NIPAL2: variants seen among roughly 807,000 people sequenced by gnomAD.
The protein encoded by NIPAL2 is NIPA like domain containing 2.
Under a neutral mutation model 48.9 loss-of-function variants are expected in NIPAL2, and 43 were observed. The observed-to-expected ratio is 0.88, with a 90% CI of 0.69 to 1.13. NIPAL2 has a LOEUF of 1.13. NIPAL2 is among the 50% of genes most tolerant of loss of function. NIPAL2 has a pLI of 0.00. For missense variants in NIPAL2, 446 were observed against 461.4 expected, an observed-to-expected ratio of 0.97 and a Z score of 0.31; for synonymous variants, 167 against 174.6, an observed-to-expected ratio of 0.96 and a Z score of 0.34.
At chr8:98,209,445 C>CAAAAACAA (rs1811203467) in intron 6 of NIPAL2, among the ~76,000 whole-genome samples, 1 of 70,512 alleles carries the variant, frequency 1.4e-5, no homozygotes, top group African/African-American at 6.2e-5. Context: ...CCTGTCTCTC[C>CAAAAACAA]AAAAAAAAAA....
intron 7 of NIPAL2, among the ~76,000 whole-genome samples, chr8:98,203,705 A>C (rs1430384161): frequency 6.6e-6 from 1 of 152,224 alleles, no homozygotes; most frequent in African/African-American, 2.4e-5. Flanking sequence ...TGCAGTTCCC[A>C]CAACTGTGCT....
chr8:98,283,861 G>A (rs1175603169), intron 1 of NIPAL2, among the ~76,000 whole-genome samples: 2 of 152,230 alleles, frequency 1.3e-5, no homozygotes, highest in African/African-American at 4.8e-5. Context: ...CCTTGATATG[G>A]GGAGGGATTG....
chr8:98,217,154 TG>T (rs1404842612), intron 5 of NIPAL2: 1 of 985,388 alleles, frequency 1.0e-6, no homozygotes, highest in Non-Finnish European at 1.2e-6. Flanking sequence ...TATTCTTCTC[TG>T]GCTGGTATAC....
intron 3 of NIPAL2, chr8:98,252,208 C>T (rs965581078): frequency 4.6e-5 from 18 of 393,592 alleles, no homozygotes; most frequent in Non-Finnish European, 7.6e-5. Context: ...CTTCTGTCAC[C>T]GTTAATTTAT....
intron 1 of NIPAL2, among the ~76,000 whole-genome samples, chr8:98,284,133 T>C (rs886132184): frequency 3.9e-5 from 6 of 152,148 alleles, no homozygotes; most frequent in African/African-American, 1.4e-4. Flanking sequence ...ACACAGCTCA[T>C]GGTCAATGCT....
chr8:98,238,961 C>G (rs1812853139), intron 3 of NIPAL2, among the ~76,000 whole-genome samples: 1 of 152,116 alleles, frequency 6.6e-6, no homozygotes, highest in Non-Finnish European at 1.5e-5. Context: ...AAACCCCTAC[C>G]CCACCCTCCA....
intron 3 of NIPAL2, among the ~76,000 whole-genome samples, chr8:98,245,676 T>G (rs1048055804): frequency 6.6e-6 from 1 of 152,230 alleles, no homozygotes; most frequent in South Asian, 2.1e-4. Flanking sequence ...TATTACAAAT[T>G]TAATTGTGTG....
intron 1 of NIPAL2, among the ~76,000 whole-genome samples, chr8:98,286,910 C>T (rs1816210246): frequency 6.6e-6 from 1 of 151,190 alleles, no homozygotes; most frequent in Middle Eastern, 3.4e-3. Context: ...GTAGTGTGTA[C>T]ATCCTGAGAG....
chr8:98,217,366 A>G (rs1053212357), intron 5 of NIPAL2: 54 of 752,108 alleles, frequency 7.2e-5, no homozygotes, highest in Non-Finnish European at 7.9e-5. Context: ...TTTGTGAGAA[A>G]TATAAAATGT....
At chr8:98,274,108 T>C (rs1406808674) in intron 1 of NIPAL2, among the ~76,000 whole-genome samples, 1 of 152,116 alleles carries the variant, frequency 6.6e-6, no homozygotes, top group African/African-American at 2.4e-5. Flanking sequence ...AATCAACATT[T>C]GCTTTATGAC....
At chr8:98,269,297 A>T (rs554063455) in intron 1 of NIPAL2, among the ~76,000 whole-genome samples, 15 of 152,172 alleles carry the variant, frequency 9.9e-5, no homozygotes, top group African/African-American at 3.4e-4. Flanking sequence ...GATCCATCAG[A>T]GGAATCACTA....
At chr8:98,219,659 G>A (rs1454195428) in intron 5 of NIPAL2, among the ~76,000 whole-genome samples, 3 of 152,004 alleles carry the variant, frequency 2.0e-5, no homozygotes, top group East Asian at 1.9e-4. Flanking sequence ...CCTTTTCTAC[G>A]TTCCCATTCC....
intron 3 of NIPAL2, among the ~76,000 whole-genome samples, chr8:98,243,983 G>A (rs1001112662): frequency 2.0e-5 from 3 of 152,028 alleles, no homozygotes; most frequent in African/African-American, 7.2e-5. Context: ...AAATGATTTT[G>A]TTCACTTTGT....
At chr8:98,222,750 C>T (rs1355540833) in intron 4 of NIPAL2, 150 bp from the exon 5 acceptor site, 13 of 742,594 alleles carry the variant, frequency 1.8e-5, no homozygotes, top group South Asian at 1.1e-4. Context: ...CCTTGGATAG[C>T]GTCCACATTC....
chr8:98,290,232 C>G (rs1243147261), intron 1 of NIPAL2, among the ~76,000 whole-genome samples: 1 of 152,206 alleles, frequency 6.6e-6, no homozygotes. Flanking sequence ...AGTCTCCTCA[C>G]TGTCCTCCTC....
At chr8:98,279,095 A>G (rs1053270080) in intron 1 of NIPAL2, among the ~76,000 whole-genome samples, 1 of 152,082 alleles carries the variant, frequency 6.6e-6, no homozygotes, top group East Asian at 1.9e-4. Context: ...TTGTCTAATT[A>G]TTCAAGGTTG....
intron 1 of NIPAL2, among the ~76,000 whole-genome samples, chr8:98,264,886 C>A (rs1307983887): frequency 6.6e-6 from 1 of 151,848 alleles, no homozygotes; most frequent in Non-Finnish European, 1.5e-5. Context: ...AACTATACTA[C>A]CAGGCTACAG....
chr8:98,292,258 C>T (rs1305575943), intron 1 of NIPAL2, among the ~76,000 whole-genome samples: 1 of 152,196 alleles, frequency 6.6e-6, no homozygotes, highest in African/African-American at 2.4e-5. Context: ...AAATTAGACT[C>T]AATTTTATTT....
chr8:98,263,062 G>C (rs1233681947), intron 1 of NIPAL2, among the ~76,000 whole-genome samples: 2 of 149,884 alleles, frequency 1.3e-5, no homozygotes, highest in Admixed American at 6.7e-5. Flanking sequence ...CAGAAATAAA[G>C]ATGTTCTTTG....
Sources: gnomAD v4.1 joint callset for allele counts (sites outside exome capture counted in the v4.1 genomes callset) on GRCh38, gnomAD v4.1.1 for gene constraint, MANE v1.5 for transcripts, NCBI Gene and HGNC (gene_info 2026-07-23, HGNC 2026-07-21) for gene names.